OLA1: variants seen among roughly 807,000 people sequenced by gnomAD.
OLA1 encodes Obg like ATPase 1.
In OLA1, 14 loss-of-function variants were observed where a neutral mutation model predicts 48.4. That is an observed-to-expected ratio of 0.29 (90% CI 0.19 to 0.45). OLA1 has a LOEUF of 0.45. OLA1 is among the 20% of genes least tolerant of loss of function. The pLI is 1.00. For synonymous variants in OLA1, 127 were observed against 150.4 expected (o/e 0.84, Z 1.14); for missense variants, 325 against 467.1 (o/e 0.70, Z 2.80).
chr2:174,204,891 T>C (rs1011832258), intron 4 of OLA1, among the ~76,000 whole-genome samples: 2 of 152,192 alleles, frequency 1.3e-5, no homozygotes, highest in African/African-American at 4.8e-5. Flanking sequence ...AATGCGGTAA[T>C]AATATGAAAT....
intron 5 of OLA1, among the ~76,000 whole-genome samples, chr2:174,126,327 G>A (rs1686042215): frequency 6.6e-6 from 1 of 151,812 alleles, no homozygotes; most frequent in South Asian, 2.1e-4. Context: ...ACTGAGCTTG[G>A]TTAACTGGAA....
chr2:174,150,832 G>C (rs1354113273), intron 4 of OLA1, among the ~76,000 whole-genome samples: 2 of 152,126 alleles, frequency 1.3e-5, no homozygotes, highest in East Asian at 3.8e-4. Flanking sequence ...AAAAGGGAGA[G>C]CAATATTCAC....
chr2:174,147,221 G>A (rs1438933462), intron 4 of OLA1, among the ~76,000 whole-genome samples: 1 of 152,138 alleles, frequency 6.6e-6, no homozygotes, highest in East Asian at 1.9e-4. Flanking sequence ...GAGGTCAGGA[G>A]TTCGAGACCA....
At chr2:174,224,372 C>T (rs899269756) in intron 3 of OLA1, among the ~76,000 whole-genome samples, 1 of 152,220 alleles carries the variant, frequency 6.6e-6, no homozygotes, top group Non-Finnish European at 1.5e-5. Context: ...CTACCCCTAA[C>T]TCTAGAAGTG....
At chr2:174,134,831 A>G (rs761957902) in intron 5 of OLA1, among the ~76,000 whole-genome samples, 2 of 152,190 alleles carry the variant, frequency 1.3e-5, no homozygotes, top group African/African-American at 2.4e-5. Flanking sequence ...GGAACAAGAA[A>G]CTTTTGCTTT....
intron 7 of OLA1, among the ~76,000 whole-genome samples, chr2:174,084,279 G>A (rs1684920203): frequency 6.6e-6 from 1 of 152,182 alleles, no homozygotes; most frequent in Admixed American, 6.5e-5. Context: ...TAAAGTGACT[G>A]ACATCAGACC....
At chr2:174,139,897 A>G (rs1487840417) in intron 5 of OLA1, among the ~76,000 whole-genome samples, 3 of 151,692 alleles carry the variant, frequency 2.0e-5, no homozygotes, top group Non-Finnish European at 2.9e-5. Context: ...AAGAAAGAAA[A>G]AAAAAAGGTA....
chr2:174,103,532 T>C (rs1419082394), intron 7 of OLA1, among the ~76,000 whole-genome samples: 1 of 152,186 alleles, frequency 6.6e-6, no homozygotes, highest in African/African-American at 2.4e-5. Flanking sequence ...CCTATCCACC[T>C]GTGCTCTAAA....
In OLA1 at chr2:174,096,124, T is replaced by C. The variant is rs542477529; in HGVS notation, c.729-14060A>G. ...TCAGCAATAAAAAGAAATGAGGTACTGATACACACTACAACATGGGTGAAC... is the reference window on the plus strand; with the variant it reads ...TCAGCAATAAAAAGAAATGAGGTACCGATACACACTACAACATGGGTGAAC... On this transcript the variant is annotated intron_variant, in intron 7 of 10. Coordinates refer to ENST00000284719, the MANE Select transcript of OLA1 (RefSeq NM_013341.5). Among the ~76,000 whole-genome samples, 3 of 152,294 alleles carry C rather than the reference T, an allele frequency of 2.0e-5. No homozygotes were observed. The South Asian group carries it at 6.2e-4, about 32-fold the overall frequency.
intron 4 of OLA1, among the ~76,000 whole-genome samples, chr2:174,156,329 T>C (rs1465500563): frequency 2.0e-5 from 3 of 152,016 alleles, no homozygotes; most frequent in African/African-American, 7.3e-5. Context: ...GCTATAAAGA[T>C]AAAAAATCTC....
chr2:174,200,399 G>A (rs931061613), intron 4 of OLA1, among the ~76,000 whole-genome samples: 4 of 152,166 alleles, frequency 2.6e-5, no homozygotes, highest in Non-Finnish European at 4.4e-5. Context: ...ATAGTTGAGT[G>A]AGAAAGATTA....
intron 7 of OLA1, among the ~76,000 whole-genome samples, chr2:174,095,325 G>GTTTTTTTTTTTTTTTTTTTTT (rs1205716344): frequency 6.2e-4 from 48 of 77,978 alleles, no homozygotes; most frequent in African/African-American, 1.0e-3. Flanking sequence ...GTTATTTCCT[G>GTTTTTTTTTTTTTTTTTTTTT]TTTTTTTTTT....
chr2:174,106,673 G>T (rs1685519903), intron 7 of OLA1, among the ~76,000 whole-genome samples: 1 of 152,124 alleles, frequency 6.6e-6, no homozygotes, highest in Admixed American at 6.6e-5. Context: ...TAAATATCAA[G>T]AAAAGAAGTC....
At chr2:174,247,234 A>T (rs1421578684) in intron 1 of OLA1, 1 of 166,968 alleles carries the variant, frequency 6.0e-6, no homozygotes. Flanking sequence ...TTAGCCGGCC[A>T]TCAGGCGCGC....
At chr2:174,180,407 C>T (rs2105413033) in intron 4 of OLA1, among the ~76,000 whole-genome samples, 1 of 152,268 alleles carries the variant, frequency 6.6e-6, no homozygotes, top group South Asian at 2.1e-4. Flanking sequence ...GCCATATAAT[C>T]TGAGTACAAA....
At chr2:174,084,832 A>T (rs922126854) in intron 7 of OLA1, among the ~76,000 whole-genome samples, 1 of 152,234 alleles carries the variant, frequency 6.6e-6, no homozygotes, top group Non-Finnish European at 1.5e-5. Flanking sequence ...AATAATCTCT[A>T]TGTACAAATG....
chr2:174,116,953 C>G (rs1479985952), intron 7 of OLA1, among the ~76,000 whole-genome samples: 1 of 152,082 alleles, frequency 6.6e-6, no homozygotes, highest in Admixed American at 6.5e-5. Context: ...TACATAAAGA[C>G]TGTACATATT....
At chr2:174,096,264 AT>A (rs1222903295) in intron 7 of OLA1, among the ~76,000 whole-genome samples, 6 of 152,164 alleles carry the variant, frequency 3.9e-5, no homozygotes, top group Admixed American at 3.9e-4. Context: ...GTTACCAGGG[AT>A]TAGGTTGGAG....
intron 2 of OLA1, 71 bp downstream of exon 2, chr2:174,246,644 G>A: frequency 1.0e-6 from 1 of 987,144 alleles, no homozygotes; most frequent in East Asian, 2.4e-5. Flanking sequence ...TTACCTCACG[G>A]TTCCCATTTC....
Sources: gnomAD v4.1 joint callset for allele counts (sites outside exome capture counted in the v4.1 genomes callset) on GRCh38, gnomAD v4.1.1 for gene constraint, MANE v1.5 for transcripts, NCBI Gene and HGNC (gene_info 2026-07-23, HGNC 2026-07-21) for gene names.